FREM2: variants seen among roughly 807,000 people sequenced by gnomAD.
The protein encoded by FREM2 is FRAS1 related extracellular matrix 2.
A neutral mutation model predicts 219.9 loss-of-function variants in FREM2; 119 were observed. The ratio of observed to expected loss-of-function variants is 0.54; its 90% CI spans 0.47 to 0.63. FREM2 has a LOEUF of 0.63. Among genes scored for constraint, FREM2 ranks in the 30% least tolerant of loss-of-function variants. The pLI, the probability that FREM2 is intolerant of heterozygous loss-of-function variation, is 0.00. For missense variants in FREM2, 4,030 were observed against 3,993.6 expected (o/e 1.01, Z -0.25); for synonymous variants, 1,562 against 1,522.8 (o/e 1.03, Z -0.60).
chr13:38,709,287 G>A (rs1390930441), intron 2 of FREM2, among the ~76,000 whole-genome samples: 1 of 152,088 alleles, frequency 6.6e-6, no homozygotes, highest in Non-Finnish European at 1.5e-5. Flanking sequence ...TATCCTTAGG[G>A]TCAGACATCT....
chr13:38,862,681 T>C (rs1046038275), intron 15 of FREM2, among the ~76,000 whole-genome samples: 9 of 152,200 alleles, frequency 5.9e-5, no homozygotes, highest in Non-Finnish European at 1.0e-4. Context: ...CATAGTCTTT[T>C]GCTGTATTGC....
intron 2 of FREM2, among the ~76,000 whole-genome samples, chr13:38,703,506 G>A (rs191893984): frequency 6.6e-6 from 1 of 152,232 alleles, no homozygotes; most frequent in East Asian, 1.9e-4. Context: ...CTGAATGTTT[G>A]TAAGCCTTTC....
At chr13:38,758,742 G>A (rs142582915) in intron 2 of FREM2, among the ~76,000 whole-genome samples, 1 of 152,338 alleles carries the variant, frequency 6.6e-6, no homozygotes, top group African/African-American at 2.4e-5. Context: ...GCAATGAAAT[G>A]AATCCCTTAT....
chr13:38,779,173 A>G (rs1321086333), intron 4 of FREM2, among the ~76,000 whole-genome samples: 2 of 152,068 alleles, frequency 1.3e-5, no homozygotes, highest in African/African-American at 4.8e-5. Flanking sequence ...TGGGAGTTAG[A>G]CAATGAGAAC....
chr13:38,775,034 A>G (rs1298023101), intron 4 of FREM2, among the ~76,000 whole-genome samples: 1 of 152,188 alleles, frequency 6.6e-6, no homozygotes, highest in Admixed American at 6.5e-5. Context: ...TTAATAGAGA[A>G]TAAACACATT....
intron 3 of FREM2, among the ~76,000 whole-genome samples, chr13:38,766,068 T>G (rs1873421536): frequency 6.6e-6 from 1 of 152,198 alleles, no homozygotes; most frequent in Non-Finnish European, 1.5e-5. Context: ...CCTTACCGAT[T>G]ATTAAAAATA....
chr13:38,783,156 G>A lies in FREM2; in HGVS notation c.5728G>A (p.Val1910Met), dbSNP rs1407087622. 1.3e-5 allele frequency: 21 copies of A among 1,614,060 alleles called. No homozygotes were observed. The highest frequency in any genetic ancestry group is 1.8e-5 in the Non-Finnish European group (21 of 1,179,948). Residue 1910 changes from valine to methionine, a missense_variant, in exon 5 of 24, where the codon GTG becomes ATG. Val to Met is a conservative substitution (Grantham distance 21). Around this residue, in one of 2 missense-constraint regions of FREM2, gnomAD observed 3,102 missense variants for 2,950.7 expected, o/e 1.05. Transcript: ENST00000280481. Reference sequence around the variant, plus strand: ...CATTCCCATCAGGAGGAGCGGAGATGTGAGCCAGGAGTTGATGGTGGTCTG... The same window carrying A: ...CATTCCCATCAGGAGGAGCGGAGATATGAGCCAGGAGTTGATGGTGGTCTG... Reference protein sequence around the residue: ...LFIPIRRSGDVSQELMVVCYT... With the variant: ...LFIPIRRSGDMSQELMVVCYT...
At chr13:38,831,203 A>C (rs1465707397) in intron 6 of FREM2, among the ~76,000 whole-genome samples, 3 of 152,124 alleles carry the variant, frequency 2.0e-5, no homozygotes, top group Non-Finnish European at 4.4e-5. Context: ...TTAAGTTTTG[A>C]AACAATCTTC....
intron 4 of FREM2, among the ~76,000 whole-genome samples, chr13:38,781,126 C>T (rs1038124585): frequency 1.3e-5 from 2 of 151,954 alleles, no homozygotes; most frequent in African/African-American, 2.4e-5. Flanking sequence ...TTCACCACCT[C>T]TCTAGCCCTC....
chr13:38,749,779 G>A (rs2496390), intron 2 of FREM2, among the ~76,000 whole-genome samples: 3,258 of 152,046 alleles, frequency 0.021, 114 homozygotes, highest in African/African-American at 0.075. Flanking sequence ...AAGAACTACT[G>A]GTTTAGACCT....
rs1869489782 is a variant in FREM2 at position 38,687,208 on chromosome 13, C to T, written c.-137C>T. On this transcript the variant is annotated 5_prime_UTR_variant, in exon 1 of 24. Transcript: ENST00000280481. ...CGCGCAACTTTGCCATCCTTCTGGC[C>T]CAGCCCCGGCTACAGGAGGACCCCG... is the stretch of plus-strand genomic sequence containing the variant. 1.6e-6 allele frequency: 2 copies of T among 1,275,342 alleles called. No homozygotes were observed. Among genetic ancestry groups the T allele is most frequent in the Admixed American group, 2.0e-5 (1 of 48,796 alleles). The allele number at this position is 1,275,342 out of a possible 1,614,324, so 79.0% of individuals were successfully genotyped here.
chr13:38,801,563 A>C (rs1875008835), intron 6 of FREM2, among the ~76,000 whole-genome samples: 1 of 152,128 alleles, frequency 6.6e-6, no homozygotes, highest in African/African-American at 2.4e-5. Context: ...AAGTGCATGC[A>C]GTAGTGTAAT....
intron 2 of FREM2, among the ~76,000 whole-genome samples, chr13:38,736,011 G>A (rs972432291): frequency 6.6e-6 from 1 of 152,180 alleles, no homozygotes; most frequent in African/African-American, 2.4e-5. Flanking sequence ...TCTTCCAGGA[G>A]GGAGGCCTTG....
intron 2 of FREM2, among the ~76,000 whole-genome samples, chr13:38,743,143 C>T (rs953293118): frequency 6.6e-6 from 1 of 152,096 alleles, no homozygotes; most frequent in Non-Finnish European, 1.5e-5. Flanking sequence ...ATGTGAGGGT[C>T]TCCTGGCATC....
chr13:38,805,813 A>G (rs569980338), intron 6 of FREM2, among the ~76,000 whole-genome samples: 20 of 152,036 alleles, frequency 1.3e-4, no homozygotes, highest in Admixed American at 6.6e-4. Context: ...AATTGTGAAA[A>G]TGTGCGGTAT....
At chr13:38,773,407 T>C (rs956625506) in intron 4 of FREM2, among the ~76,000 whole-genome samples, 5 of 152,012 alleles carry the variant, frequency 3.3e-5, no homozygotes, top group East Asian at 3.9e-4. Context: ...CCTTTTTTTT[T>C]CGAGACGGTA....
chr13:38,691,102 C>T lies in FREM2; in HGVS notation c.3758C>T (p.Thr1253Ile), dbSNP rs750032262. ...GGCACGGTTTTGGTCGAAAGCTTCACCTTGGATCAGATCATAGAGAGTTCC... is the reference window on the plus strand; with the variant it reads ...GGCACGGTTTTGGTCGAAAGCTTCATCTTGGATCAGATCATAGAGAGTTCC... ...INGTVLVESF[T>I]LDQIIESSSI... Residue 1253 changes from threonine (T) to isoleucine (I), a missense_variant, in exon 1 of 24, where the codon ACC becomes ATC. Physicochemically the swap from Thr to Ile is moderately conservative, Grantham distance 89. Around this residue, in one of 2 missense-constraint regions of FREM2, gnomAD observed 3,102 missense variants for 2,950.7 expected, o/e 1.05. Transcript: ENST00000280481. 6.2e-7 allele frequency: 1 copy of T among 1,614,058 alleles called. No individual in the cohort carries two copies. The highest frequency in any genetic ancestry group is 1.1e-5 in the South Asian group (1 of 91,068).
Position 38,887,036 on chromosome 13 carries a change from A to G in FREM2, c.*6249A>G, listed in dbSNP as rs776633124. On this transcript the variant is annotated 3_prime_UTR_variant, in exon 24 of 24. Coordinates refer to ENST00000280481, the MANE Select transcript of FREM2 (RefSeq NM_207361.6). ...CATTCAGTCATAAATTCATGTCAAC[A>G]ATAAGTCTTGCTGCCGCTTGTGTTT... is the stretch of plus-strand genomic sequence containing the variant. 2 of 152,222 alleles carry G rather than the reference A, an allele frequency of 1.3e-5. No homozygotes were observed. The highest frequency in any genetic ancestry group is 2.9e-5 in the Non-Finnish European group (2 of 68,044). 9.4% of individuals were successfully genotyped at this position (152,222 alleles called of 1,614,324 possible). A position where few individuals can be genotyped will look rare whatever the true frequency, so the allele number is the denominator to read the frequency against.
chr13:38,848,186 A>T, intron 7 of FREM2, among the ~76,000 whole-genome samples: 1 of 152,198 alleles, frequency 6.6e-6, no homozygotes, highest in East Asian at 1.9e-4. Context: ...TTTCAAACTA[A>T]AGTTAGAGGA....
Sources: allele counts gnomAD v4.1 joint callset (sites outside exome capture counted in the v4.1 genomes callset), GRCh38; gene constraint gnomAD v4.1.1; regional missense constraint gnomAD v4.1.1; transcripts MANE v1.5; gene names NCBI Gene and HGNC (gene_info 2026-07-23, HGNC 2026-07-21).